The following NRAP variants were observed in gnomAD, a reference collection of about 807,000 sequenced individuals.
The protein encoded by NRAP is nebulin related anchoring protein, also known as nebulin-related-anchoring protein.
NRAP carries 189 observed loss-of-function variants against 225.9 expected under a neutral mutation model. The observed-to-expected ratio is 0.84, with a 90% CI of 0.74 to 0.94. The LOEUF (loss-of-function observed/expected upper bound fraction) is 0.94. Ranked by LOEUF, NRAP falls within the 40% of genes least tolerant of loss-of-function variation. The pLI is 0.00. For missense variants in NRAP, 2,176 were observed against 2,168.7 expected, an observed-to-expected ratio of 1.00 and a Z score of -0.07; for synonymous variants, 769 against 790.7, an observed-to-expected ratio of 0.97 and a Z score of 0.46.
At chr10:113,599,371 G>T (rs1244481581) in intron 35 of NRAP, among the ~76,000 whole-genome samples, 3 of 152,104 alleles carry the variant, frequency 2.0e-5, no homozygotes. Context: ...TTTATACCAC[G>T]ATCTTTCAGT....
At chr10:113,609,354 A>G (rs925214234) in intron 31 of NRAP, among the ~76,000 whole-genome samples, 4 of 152,158 alleles carry the variant, frequency 2.6e-5, no homozygotes, top group African/African-American at 7.2e-5. Flanking sequence ...CTGGAAAAGC[A>G]AAGCATGAGG....
intron 4 of NRAP, among the ~76,000 whole-genome samples, chr10:113,654,978 T>C (rs1334028072): frequency 6.6e-6 from 1 of 152,166 alleles, no homozygotes; most frequent in Non-Finnish European, 1.5e-5. Flanking sequence ...TGGGTTTGAT[T>C]GGACACAAGG....
rs373824060 is a variant in NRAP at position 113,597,963 on chromosome 10, T to C, written c.4332+6A>G. On this transcript the variant is annotated splice_donor_region_variant and intron_variant, in intron 36 of 41. Coordinates refer to ENST00000359988, the MANE Select transcript of NRAP (RefSeq NM_198060.4). ...GTCACTTGTGGTGGGGACAGGTTGA[T>C]GGTACCTCGCTGATGAGTTCTCCAG... 2.1e-4 allele frequency: 338 copies of C among 1,594,836 alleles called. No individual in the cohort carries two copies. The highest frequency in any genetic ancestry group is 2.6e-4 in the Non-Finnish European group (299 of 1,162,632).
chr10:113,657,728 T>C (rs951849066), intron 3 of NRAP, among the ~76,000 whole-genome samples, 154 bp from the exon 4 acceptor site: 6 of 152,228 alleles, frequency 3.9e-5, no homozygotes, highest in African/African-American at 1.4e-4. Flanking sequence ...TCAGTCTCCC[T>C]GTGGTTTAAT....
Position 113,654,072 on chromosome 10 carries a change from C to T in NRAP, c.414G>A (p.Leu138=). ...CCATCCTTACAATTTCGGGGTCTGG[C>T]AGAGCTCCTGGGCACCAAGCATTCC... ...GEGNAWCPGA[L]PDPEIVRMVE... The change falls in exon 5 of 42, where the codon CTG becomes CTA. Residue 138 remains leucine (L), a synonymous_variant. Coordinates refer to ENST00000359988, the MANE Select transcript of NRAP (RefSeq NM_198060.4). 6.2e-7 allele frequency: 1 copy of T among 1,613,918 alleles called. No individual in the cohort carries two copies. The highest frequency in any genetic ancestry group is 8.5e-7 in the Non-Finnish European group (1 of 1,179,834).
intron 37 of NRAP, 104 bp from the exon 38 acceptor site, chr10:113,595,831 C>A: frequency 1.4e-6 from 1 of 735,280 alleles, no homozygotes; most frequent in South Asian, 1.7e-5. Flanking sequence ...TGAGTGCCCA[C>A]CGCATAGAAC....
Position 113,612,314 on chromosome 10 carries a change from G to A in NRAP, c.3418C>T (p.His1140Tyr). The change falls in exon 30 of 42, where the codon CAT becomes TAT. Residue 1140 changes from histidine to tyrosine, a missense_variant. This residue lies in a region of NRAP where 1,708 missense variants were observed against 1,695.5 expected (regional missense o/e 1.01). Coordinates refer to ENST00000359988, the MANE Select transcript of NRAP (RefSeq NM_198060.4). ...QTLASNQDYKHPLPQYTSLAE... is the reference protein window; with the variant it reads ...QTLASNQDYKYPLPQYTSLAE... Reference sequence around the variant, plus strand: ...AAGGAAGTGTACTGGGGCAGTGGATGTTTGTAGTCCTGATTGCTGGCCAGG... The same window carrying A: ...AAGGAAGTGTACTGGGGCAGTGGATATTTGTAGTCCTGATTGCTGGCCAGG... 6.2e-7 allele frequency: 1 copy of A among 1,614,186 alleles called. No homozygotes were observed. Among genetic ancestry groups the A allele is most frequent in the Non-Finnish European group, 8.5e-7 (1 of 1,180,000 alleles).
chr10:113,589,056 A>G lies in NRAP; in HGVS notation c.5112T>C (p.Ala1704=), dbSNP rs765374824. 6 of 1,613,838 alleles carry G rather than the reference A, an allele frequency of 3.7e-6. No individual in the cohort carries two copies. The highest frequency in any genetic ancestry group is 5.1e-6 in the Non-Finnish European group (6 of 1,179,972). Residue 1704 remains alanine, a synonymous_variant, in exon 42 of 42, where the codon GCT becomes GCC. Coordinates refer to ENST00000359988, the MANE Select transcript of NRAP (RefSeq NM_198060.4). ...GAYRGAEAVE[A]GDHQSGEVNP... ...TCACCTCCCCACTCTGATGATCTCC[A>G]GCCTCCACTGCTTCTGCCCCCCGCT...
At chr10:113,608,585 A>G (rs1847140579) in intron 31 of NRAP, 73 bp from the exon 32 acceptor site, 1 of 957,628 alleles carries the variant, frequency 1.0e-6, no homozygotes, top group Admixed American at 2.1e-5. Flanking sequence ...CCAGTTCTTT[A>G]AGTATTAGCC....
In NRAP at chr10:113,621,912, A is replaced by G; in HGVS notation, c.2726T>C (p.Met909Thr). 5 of 1,613,678 alleles carry G rather than the reference A, an allele frequency of 3.1e-6. No homozygotes were observed. The highest frequency in any genetic ancestry group is 4.2e-6 in the Non-Finnish European group (5 of 1,179,738). The change falls in exon 24 of 42, where the codon ATG becomes ACG. Residue 909 changes from methionine to threonine, a missense_variant. Coordinates refer to ENST00000359988, the MANE Select transcript of NRAP (RefSeq NM_198060.4). The stretch of plus-strand genomic sequence containing the variant: ...AGCCTTCTTGGCCCATTCCACCTTC[A>G]TGTCTGTGGGCAAAGCCGTAAAGTG... ...EHHFTALPTD[M>T]KVEWAKKAYG...
At chr10:113,628,601 G>T (rs1329939250) in intron 20 of NRAP, among the ~76,000 whole-genome samples, 2 of 152,182 alleles carry the variant, frequency 1.3e-5, no homozygotes, top group East Asian at 3.8e-4. Context: ...GATTCAAAAG[G>T]AATCACAAGC....
intron 32 of NRAP, among the ~76,000 whole-genome samples, chr10:113,607,472 AT>A (rs1847066834): frequency 6.6e-6 from 1 of 150,824 alleles, no homozygotes; most frequent in African/African-American, 2.4e-5. Flanking sequence ...AAAAAAAGAA[AT>A]GGGTCTATGG....
Position 113,657,451 on chromosome 10 carries a change from C to A in NRAP, c.360+19G>T. 8.0e-7 allele frequency: 1 copy of A among 1,250,262 alleles called. No homozygotes were observed. 77.4% of individuals were successfully genotyped at this position (1,250,262 alleles called of 1,614,324 possible). A position where few individuals can be genotyped will look rare whatever the true frequency, so the allele number is the denominator to read the frequency against. ...GTCATTCTTTCTTTTTCCAAACCCA[C>A]TTGTCACTTTTCTCTCACCTCATTT... On this transcript the variant is annotated intron_variant, in intron 4 of 41. Transcript: ENST00000359988.
Position 113,656,168 on chromosome 10 carries a change from G to A in NRAP, c.360+1302C>T, listed in dbSNP as rs569865876. 1.9e-4 allele frequency among the ~76,000 whole-genome samples: 29 copies of A among 152,238 alleles called. 1 individual carries two copies. Among genetic ancestry groups the A allele is most frequent in the African/African-American group, 5.8e-4 (24 of 41,538 alleles). On this transcript the variant is annotated intron_variant, in intron 4 of 41. Coordinates refer to ENST00000359988, the MANE Select transcript of NRAP (RefSeq NM_198060.4). ...TATTCTCTCTGAAACCTGCTGCTTG[G>A]AGGCTTCATCTGCATGATAAAACTT...
intron 20 of NRAP, among the ~76,000 whole-genome samples, 187 bp downstream of exon 20, chr10:113,628,730 T>C (rs1848415993): frequency 6.6e-6 from 1 of 152,216 alleles, no homozygotes; most frequent in African/African-American, 2.4e-5. Flanking sequence ...AATGACACCA[T>C]CTCAGTAAGT....
intron 7 of NRAP, among the ~76,000 whole-genome samples, chr10:113,650,794 G>A (rs1849914057): frequency 6.6e-6 from 1 of 152,212 alleles, no homozygotes; most frequent in African/African-American, 2.4e-5. Flanking sequence ...ACCTGGTGTG[G>A]GCCAGGCACT....
chr10:113,607,726 G>A (rs1847083601), intron 32 of NRAP, among the ~76,000 whole-genome samples: 1 of 152,190 alleles, frequency 6.6e-6, no homozygotes, highest in Non-Finnish European at 1.5e-5. Context: ...GTCAGAAGGA[G>A]AATCTTAAAA....
intron 15 of NRAP, among the ~76,000 whole-genome samples, chr10:113,633,850 G>A (rs971563875): frequency 6.6e-6 from 1 of 152,188 alleles, no homozygotes; most frequent in Admixed American, 6.5e-5. Context: ...GCATATAGAT[G>A]AAGCAGGGTG....
intron 18 of NRAP, 85 bp from the exon 19 acceptor site, chr10:113,629,870 G>C (rs758003335): frequency 6.5e-6 from 6 of 923,096 alleles, no homozygotes; most frequent in Middle Eastern, 3.0e-4. Context: ...AAAGATTTCC[G>C]GGCTTTCGGG....
Sources: allele counts gnomAD v4.1 joint callset (sites outside exome capture counted in the v4.1 genomes callset), GRCh38; gene constraint gnomAD v4.1.1; regional missense constraint gnomAD v4.1.1; transcripts MANE v1.5; gene names NCBI Gene and HGNC (gene_info 2026-07-23, HGNC 2026-07-21).